Variants in SYT9 observed in about 807,000 individuals in gnomAD.
SYT9 encodes the protein synaptotagmin-9.
A neutral mutation model predicts 48.4 loss-of-function variants in SYT9; 22 were observed. The observed-to-expected ratio is 0.45, with a 90% CI of 0.32 to 0.65. The LOEUF is 0.65. SYT9 is among the 30% of genes least tolerant of loss of function. The probability of loss-of-function intolerance (pLI) is 0.03; values close to 1 mark genes in which losing one functional copy is unlikely to be tolerated. For synonymous variants in SYT9, 265 were observed against 245.0 expected, an observed-to-expected ratio of 1.08 and a Z score of -0.76; for missense variants, 577 against 622.0, an observed-to-expected ratio of 0.93 and a Z score of 0.77.
intron 3 of SYT9, among the ~76,000 whole-genome samples, chr11:7,350,781 TG>T (rs1325866509): frequency 6.6e-6 from 1 of 152,202 alleles, no homozygotes; most frequent in African/African-American, 2.4e-5. Context: ...GAAGACGTGA[TG>T]TAGAAAGAGA....
At chr11:7,341,982 C>A (rs989888773) in intron 3 of SYT9, among the ~76,000 whole-genome samples, 17 of 152,122 alleles carry the variant, frequency 1.1e-4, no homozygotes, top group African/African-American at 4.1e-4. Context: ...AAAGGGGAAA[C>A]CCCTTATAAA....
chr11:7,300,029 T>G (rs1348280715), intron 1 of SYT9, among the ~76,000 whole-genome samples: 15 of 152,192 alleles, frequency 9.9e-5, no homozygotes, highest in Admixed American at 9.8e-4. Context: ...GTTAAGTATC[T>G]TATCCCCATG....
At chr11:7,297,672 T>A (rs909797700) in intron 1 of SYT9, among the ~76,000 whole-genome samples, 10 of 152,212 alleles carry the variant, frequency 6.6e-5, no homozygotes, top group African/African-American at 2.4e-4. Context: ...ACACTGTGTT[T>A]TCTGCCTCAT....
intron 6 of SYT9, among the ~76,000 whole-genome samples, chr11:7,431,146 A>G (rs751367485): frequency 6.6e-6 from 1 of 152,250 alleles, no homozygotes; most frequent in Non-Finnish European, 1.5e-5. Flanking sequence ...AGTGAAGTCC[A>G]GACTGATGAG....
chr11:7,334,159 G>C (rs1008946881), intron 3 of SYT9, among the ~76,000 whole-genome samples: 4 of 152,078 alleles, frequency 2.6e-5, no homozygotes, highest in African/African-American at 9.7e-5. Context: ...GCAAGTTCAG[G>C]GGACAAAAAG....
intron 3 of SYT9, among the ~76,000 whole-genome samples, chr11:7,376,879 A>G (rs993738589): frequency 6.6e-6 from 1 of 151,846 alleles, no homozygotes; most frequent in Non-Finnish European, 1.5e-5. Flanking sequence ...CTTTGTGACC[A>G]TGGGCAAGCT....
intron 3 of SYT9, among the ~76,000 whole-genome samples, chr11:7,363,666 T>C (rs576434091): frequency 2.9e-4 from 44 of 152,216 alleles, no homozygotes; most frequent in African/African-American, 9.9e-4. Flanking sequence ...AGTAGAAGCT[T>C]CCGCAAAGGA....
chr11:7,386,321 T>C (rs1339419894), intron 3 of SYT9, among the ~76,000 whole-genome samples: 2 of 152,026 alleles, frequency 1.3e-5, no homozygotes, highest in African/African-American at 4.8e-5. Context: ...CTAAAGAGCT[T>C]CTGCACAGCA....
intron 3 of SYT9, among the ~76,000 whole-genome samples, chr11:7,328,867 GT>G (rs2133974684): frequency 6.6e-6 from 1 of 152,154 alleles, no homozygotes; most frequent in Non-Finnish European, 1.5e-5. Flanking sequence ...TGCAAATCTT[GT>G]GTGGATAATT....
intron 3 of SYT9, among the ~76,000 whole-genome samples, chr11:7,411,086 C>G (rs765000078): frequency 3.3e-5 from 5 of 152,198 alleles, no homozygotes; most frequent in Non-Finnish European, 7.3e-5. Context: ...AACTCCTGAC[C>G]TCAGGTGATT....
At chr11:7,305,039 C>T (rs1589929952) in intron 2 of SYT9, among the ~76,000 whole-genome samples, 2 of 152,150 alleles carry the variant, frequency 1.3e-5, no homozygotes, top group African/African-American at 4.8e-5. Flanking sequence ...AATGATGCCA[C>T]TATAATTATC....
At chr11:7,420,982 A>G (rs1564897973) in intron 6 of SYT9, among the ~76,000 whole-genome samples, 1 of 152,202 alleles carries the variant, frequency 6.6e-6, no homozygotes, top group Non-Finnish European at 1.5e-5. Flanking sequence ...CAGTGACTTG[A>G]GACTGACTTT....
intron 1 of SYT9, among the ~76,000 whole-genome samples, chr11:7,283,467 A>AT (rs958007701): frequency 6.6e-6 from 1 of 152,084 alleles, no homozygotes; most frequent in Non-Finnish European, 1.5e-5. Context: ...CATTATGGGT[A>AT]TTTTTTTATG....
chr11:7,437,661 T>C (rs1847737388), intron 6 of SYT9: 2 of 152,182 alleles, frequency 1.3e-5, no homozygotes, highest in South Asian at 4.1e-4. Flanking sequence ...AATTCTAAGA[T>C]TGTCATCACA....
chr11:7,415,363 C>T (rs1163896284), intron 3 of SYT9, among the ~76,000 whole-genome samples: 1 of 152,128 alleles, frequency 6.6e-6, no homozygotes, highest in Non-Finnish European at 1.5e-5. Flanking sequence ...TCCAGTGGAG[C>T]CGTGTGCTGG....
intron 1 of SYT9, among the ~76,000 whole-genome samples, chr11:7,286,098 G>A (rs191321681): frequency 1.1e-3 from 167 of 152,312 alleles, no homozygotes; most frequent in African/African-American, 3.7e-3. Flanking sequence ...CCACTAGGCA[G>A]TGTCCCAGTG....
intron 3 of SYT9, among the ~76,000 whole-genome samples, chr11:7,328,256 G>T (rs1849470844): frequency 6.6e-6 from 1 of 151,800 alleles, no homozygotes; most frequent in African/African-American, 2.4e-5. Flanking sequence ...CTTCTAACAA[G>T]TGAGATTAGT....
chr11:7,341,515 G>A (rs1017585062), intron 3 of SYT9, among the ~76,000 whole-genome samples: 1 of 152,188 alleles, frequency 6.6e-6, no homozygotes, highest in Non-Finnish European at 1.5e-5. Context: ...TGCCATGTAA[G>A]ACATGCTTTT....
chr11:7,384,769 G>A (rs1289017247), intron 3 of SYT9, among the ~76,000 whole-genome samples: 1 of 152,070 alleles, frequency 6.6e-6, no homozygotes, highest in Non-Finnish European at 1.5e-5. Flanking sequence ...TCCTTTCATA[G>A]TTTACATGAT....
Sources: gnomAD v4.1 joint callset for allele counts (sites outside exome capture counted in the v4.1 genomes callset) on GRCh38, gnomAD v4.1.1 for gene constraint, MANE v1.5 for transcripts, NCBI Gene and HGNC (gene_info 2026-07-23, HGNC 2026-07-21) for gene names.